The following SYNCRIP variants were observed in gnomAD, a reference collection of about 807,000 sequenced individuals.
The protein encoded by SYNCRIP is synaptotagmin binding cytoplasmic RNA interacting protein, also known as heterogeneous nuclear ribonucleoprotein Q.
A neutral mutation model predicts 68.9 loss-of-function variants in SYNCRIP; 9 were observed. The observed-to-expected ratio is 0.13, with a 90% CI of 0.08 to 0.23. The LOEUF (loss-of-function observed/expected upper bound fraction) is 0.23. SYNCRIP is among the 10% of genes least tolerant of loss of function. The pLI is 1.00. For synonymous variants in SYNCRIP, 258 were observed against 254.0 expected (o/e 1.02, Z -0.15); for missense variants, 414 against 770.6 (o/e 0.54, Z 5.48).
intron 8 of SYNCRIP, among the ~76,000 whole-genome samples, chr6:85,621,397 G>A (rs1806377130): frequency 6.6e-6 from 1 of 152,122 alleles, no homozygotes; most frequent in Non-Finnish European, 1.5e-5. Context: ...TTAAGGCTAA[G>A]AATTGTAAGA....
chr6:85,636,850 A>C (rs943651948), intron 6 of SYNCRIP, 117 bp downstream of exon 6: 22 of 974,672 alleles, frequency 2.3e-5, no homozygotes, highest in Admixed American at 1.4e-4. Flanking sequence ...GAAAAAAAAA[A>C]CCTGCCTAAA....
At chr6:85,616,278 G>A (rs1200329009) in intron 10 of SYNCRIP, among the ~76,000 whole-genome samples, 4 of 152,006 alleles carry the variant, frequency 2.6e-5, no homozygotes, top group African/African-American at 9.7e-5. Flanking sequence ...AATCCCTCTT[G>A]AAGGAATAAT....
downstream of SYNCRIP, chr6:85,607,996 T>C (rs1804966797): frequency 6.6e-6 from 1 of 152,118 alleles, no homozygotes; most frequent in African/African-American, 2.4e-5. Context: ...CCTAGGGGTA[T>C]AAGCTAAAAC....
intron 6 of SYNCRIP, 103 bp downstream of exon 6, chr6:85,636,864 G>C (rs1808517857): frequency 1.7e-6 from 2 of 1,156,068 alleles, no homozygotes; most frequent in African/African-American, 1.6e-5. Context: ...GCCTAAATCA[G>C]TACTTCAAAA....
At chr6:85,642,593 A>G (rs1430630210) in intron 1 of SYNCRIP, among the ~76,000 whole-genome samples, 5 of 152,140 alleles carry the variant, frequency 3.3e-5, no homozygotes. Context: ...CCGCAGACAA[A>G]GCCCGAACCG....
intron 4 of SYNCRIP, among the ~76,000 whole-genome samples, chr6:85,639,838 A>C (rs1808919240): frequency 6.6e-6 from 1 of 152,198 alleles, no homozygotes; most frequent in South Asian, 2.1e-4. Flanking sequence ...AGCAGGGTTA[A>C]CATTCTAAAT....
intron 8 of SYNCRIP, among the ~76,000 whole-genome samples, chr6:85,620,918 G>A (rs1482312420): frequency 6.6e-6 from 1 of 152,160 alleles, no homozygotes; most frequent in Non-Finnish European, 1.5e-5. Context: ...CCCTCTAAGA[G>A]AGTTATTGAA....
chr6:85,623,953 T>C, intron 7 of SYNCRIP, 24 bp downstream of exon 7: 1 of 1,612,868 alleles, frequency 6.2e-7, no homozygotes, highest in Non-Finnish European at 8.5e-7. Context: ...AAGCTGCACC[T>C]CATTCCAAAT....
In SYNCRIP at chr6:85,638,484, A is replaced by G. The variant is rs1808745092; in HGVS notation, c.376-1128T>C. On this transcript the variant is annotated intron_variant, in intron 4 of 10. Coordinates refer to ENST00000369622, the MANE Select transcript of SYNCRIP (RefSeq NM_006372.5). Reference sequence around the variant, plus strand: ...CTCCACTGTCTCAACCACAAAGCACAAAAGTGGTTTTCTAAACAAAACCAA... The same window carrying G: ...CTCCACTGTCTCAACCACAAAGCACGAAAGTGGTTTTCTAAACAAAACCAA... Among the ~76,000 whole-genome samples the G allele has an allele frequency of 2.6e-5, 4 of 152,136 alleles. No individual in the cohort carries two copies. In the South Asian group the frequency reaches 8.3e-4, roughly 32 times the overall value.
At chr6:85,642,294 C>A (rs921214406) in intron 1 of SYNCRIP, among the ~76,000 whole-genome samples, 1 of 152,154 alleles carries the variant, frequency 6.6e-6, no homozygotes, top group African/African-American at 2.4e-5. Context: ...CGGCCGCCCG[C>A]CCGGCCGAGA....
intron 7 of SYNCRIP, 127 bp downstream of exon 7, chr6:85,623,850 C>T: frequency 2.5e-6 from 3 of 1,196,850 alleles, no homozygotes; most frequent in Non-Finnish European, 3.5e-6. Context: ...GTTACCTACA[C>T]TTCAAAAGTT....
downstream of SYNCRIP, chr6:85,611,269 A>AT (rs1232917129): frequency 6.6e-6 from 1 of 152,446 alleles, no homozygotes; most frequent in East Asian, 1.9e-4. Flanking sequence ...TTAATGACAC[A>AT]TAAAAAAAAT....
At chr6:85,630,687 G>A (rs773983776) in intron 6 of SYNCRIP, among the ~76,000 whole-genome samples, 1 of 151,964 alleles carries the variant, frequency 6.6e-6, no homozygotes, top group Admixed American at 6.5e-5. Context: ...GTAAATGGAG[G>A]CTATTAAAAC....
chr6:85,612,866 C>T, downstream of SYNCRIP: 1 of 1,550,328 alleles, frequency 6.5e-7, no homozygotes. Flanking sequence ...TGTAATCCCA[C>T]ATAGCAAGTC....
chr6:85,640,610 T>C (rs757453910), intron 2 of SYNCRIP, 46 bp from the exon 3 acceptor site: 39 of 1,264,344 alleles, frequency 3.1e-5, no homozygotes, highest in South Asian at 1.3e-4. Context: ...TTAGAAAAGA[T>C]TTTTTAGAGA....
intron 6 of SYNCRIP, among the ~76,000 whole-genome samples, chr6:85,629,243 C>G (rs943050638): frequency 2.6e-5 from 4 of 152,126 alleles, no homozygotes; most frequent in Non-Finnish European, 5.9e-5. Flanking sequence ...CTCTGACAAC[C>G]CTAATCCAGT....
upstream of SYNCRIP, chr6:85,643,693 G>A (rs1809478811): frequency 6.6e-6 from 1 of 151,776 alleles, no homozygotes. Context: ...TCCGGGGCTG[G>A]CGGGGCAGAG....
rs370961281 is a variant in SYNCRIP at position 85,615,200 on chromosome 6, G to A, written c.1428C>T (p.Asn476=). The A allele has an allele frequency of 7.5e-6, 12 of 1,610,686 alleles. No homozygotes were observed. Among genetic ancestry groups the A allele is most frequent in the African/African-American group, 4.0e-5 (3 of 74,918 alleles). ...YYDYYGYDYH[N]YRGGYEDPYY... The stretch of plus-strand genomic sequence containing the variant: ...ATGGATCTTCATATCCACCACGATA[G>A]TTATGGTAATCATAACCATAATAAT... The change falls in exon 11 of 11, where the codon AAC becomes AAT. Residue 476 remains asparagine (N), a synonymous_variant. Transcript: ENST00000369622.
intron 7 of SYNCRIP, 40 bp downstream of exon 7, chr6:85,623,934 CATT>C (rs753897243): frequency 3.1e-6 from 5 of 1,600,582 alleles, no homozygotes; most frequent in Non-Finnish European, 4.3e-6. Context: ...TATTAATCTT[CATT>C]ATTAAAAGCT....
Sources: allele counts gnomAD v4.1 joint callset (sites outside exome capture counted in the v4.1 genomes callset), GRCh38; gene constraint gnomAD v4.1.1; transcripts MANE v1.5; gene names NCBI Gene and HGNC (gene_info 2026-07-23, HGNC 2026-07-21).